INPP4A: variants seen among roughly 807,000 people sequenced by gnomAD.
The protein encoded by INPP4A is inositol polyphosphate-4-phosphatase type I A, also known as inositol polyphosphate-4-phosphatase, type I, 107kD.
In INPP4A, 33 loss-of-function variants were observed where a neutral mutation model predicts 119.8. The observed-to-expected ratio is 0.28, with a 90% CI of 0.21 to 0.37. The LOEUF is 0.37. Among genes scored for constraint, INPP4A ranks in the 10% least tolerant of loss-of-function variants. INPP4A has a pLI of 1.00. For missense variants in INPP4A, 956 were observed against 1,289.9 expected (o/e 0.74, Z 3.97); for synonymous variants, 496 against 500.7 (o/e 0.99, Z 0.12).
At chr2:98,510,743 G>C (rs2105534372) in intron 1 of INPP4A, among the ~76,000 whole-genome samples, 1 of 152,328 alleles carries the variant, frequency 6.6e-6, no homozygotes, top group East Asian at 1.9e-4. Context: ...GACACATTCA[G>C]ACTGTAGCAC....
At chr2:98,459,685 G>A (rs890708713) in intron 1 of INPP4A, among the ~76,000 whole-genome samples, 1 of 152,226 alleles carries the variant, frequency 6.6e-6, no homozygotes, top group Non-Finnish European at 1.5e-5. Flanking sequence ...TCAGGGCAGG[G>A]ACAATAGCTT....
intron 23 of INPP4A, among the ~76,000 whole-genome samples, chr2:98,574,513 C>G (rs958331527): frequency 6.6e-6 from 1 of 152,042 alleles, no homozygotes; most frequent in South Asian, 2.1e-4. Flanking sequence ...TGACGCATGC[C>G]TGTAATCCCA....
rs77191592 is a variant in INPP4A, at chr2:98,464,758, G to A, written c.-166+19673G>A. 5.2e-3 allele frequency among the ~76,000 whole-genome samples: 795 copies of A among 152,342 alleles called. 12 individuals are homozygous for A. The highest frequency in any genetic ancestry group is 0.018 in the African/African-American group (739 of 41,576). ...ATGAGATATCAGCAGAGGCCATCCT[G>A]TGAAATATTTTAACTAATTGAACTG... is the stretch of plus-strand genomic sequence containing the variant. On this transcript the variant is annotated intron_variant, in intron 1 of 24. Coordinates refer to ENST00000409851, the MANE Select transcript of INPP4A (RefSeq NM_001134225.2).
intron 1 of INPP4A, among the ~76,000 whole-genome samples, chr2:98,445,504 G>T (rs995225861): frequency 1.3e-5 from 2 of 152,234 alleles, no homozygotes; most frequent in Non-Finnish European, 2.9e-5. Context: ...CTCCATCCTC[G>T]AAACTCTTCC....
At position 98,451,213 on chromosome 2, in the gene INPP4A, C is replaced by T. The variant is rs541207581; in HGVS notation, c.-166+6128C>T. ...GGCCCAGGCCTGCCAGCCAGCCAGC[C>T]CAGCTGGCCTCTGGTGTTTGCCCAC... On this transcript the variant is annotated intron_variant, in intron 1 of 24. Coordinates refer to ENST00000409851, the MANE Select transcript of INPP4A (RefSeq NM_001134225.2). Among the ~76,000 whole-genome samples, 295 of 152,280 alleles carry T rather than the reference C, an allele frequency of 1.9e-3. 3 individuals are homozygous for T. The highest frequency in any genetic ancestry group is 3.3e-4 in the Admixed American group (5 of 15,302).
At chr2:98,462,764 A>C (rs1360343898) in intron 1 of INPP4A, among the ~76,000 whole-genome samples, 2 of 151,932 alleles carry the variant, frequency 1.3e-5, no homozygotes, top group African/African-American at 4.8e-5. Flanking sequence ...CAAGCAATCC[A>C]CCTGCCTCAG....
intron 1 of INPP4A, among the ~76,000 whole-genome samples, chr2:98,508,858 T>C (rs1053632338): frequency 6.8e-6 from 1 of 147,616 alleles, no homozygotes; most frequent in Non-Finnish European, 1.5e-5. Flanking sequence ...GTTGTCTTTG[T>C]CTGTGGTATT....
At chr2:98,516,717 G>A (rs2105665440) in intron 1 of INPP4A, among the ~76,000 whole-genome samples, 1 of 152,284 alleles carries the variant, frequency 6.6e-6, no homozygotes, top group Admixed American at 6.5e-5. Context: ...TGCCTGGGGT[G>A]CTGCCCTGCC....
intron 24 of INPP4A, chr2:98,581,428 A>T: frequency 3.6e-6 from 3 of 824,536 alleles, no homozygotes; most frequent in African/African-American, 1.9e-5. Flanking sequence ...TTGTGACTTC[A>T]TTTCATTTTT....
intron 18 of INPP4A, among the ~76,000 whole-genome samples, chr2:98,563,920 G>T (rs1323008348): frequency 6.6e-6 from 1 of 150,978 alleles, no homozygotes; most frequent in Non-Finnish European, 1.5e-5. Context: ...GGTGGCACAG[G>T]CTTCTTTGCT....
intron 24 of INPP4A, among the ~76,000 whole-genome samples, chr2:98,583,078 C>T (rs1699560398): frequency 6.6e-6 from 1 of 152,144 alleles, no homozygotes; most frequent in East Asian, 1.9e-4. Context: ...ATACGCCAGA[C>T]ACAGAAAGAT....
chr2:98,494,477 A>G (rs552168770), intron 1 of INPP4A, among the ~76,000 whole-genome samples: 81 of 152,306 alleles, frequency 5.3e-4, no homozygotes, highest in African/African-American at 1.9e-3. Context: ...AGTGGGACAC[A>G]GTCTGTGCGC....
At chr2:98,485,365 G>A (rs1355745406) in intron 1 of INPP4A, among the ~76,000 whole-genome samples, 2 of 152,234 alleles carry the variant, frequency 1.3e-5, no homozygotes, top group Non-Finnish European at 2.9e-5. Flanking sequence ...TCTTATCTGT[G>A]TAGAATATCC....
At chr2:98,468,849 C>T (rs1416611595) in intron 1 of INPP4A, among the ~76,000 whole-genome samples, 1 of 152,128 alleles carries the variant, frequency 6.6e-6, no homozygotes, top group Non-Finnish European at 1.5e-5. Context: ...CTACATCACG[C>T]CCACACTGGT....
chr2:98,565,650 G>A lies in INPP4A; in HGVS notation c.2163G>A (p.Leu721=), dbSNP rs1182381528. ...CTCTCTCATGTCCAGGGGAGGAGCTGGCAATGCTGGAGGACATGAGCCTTG... is the reference window on the plus strand; with the variant it reads ...CTCTCTCATGTCCAGGGGAGGAGCTAGCAATGCTGGAGGACATGAGCCTTG... ...ESLLSTYGEE[L]AMLEDMSLGI... is the part of the protein sequence containing the mutation. Residue 721 remains leucine, a synonymous_variant, in exon 20 of 25, where the codon CTG becomes CTA. Transcript: ENST00000409851. The A allele has an allele frequency of 1.2e-6, 2 of 1,608,008 alleles. No homozygotes were observed.
Position 98,551,590 on chromosome 2 carries a change from C to A in INPP4A, c.1164-1196C>A, listed in dbSNP as rs116912963. ...ACTTTGGGACTTCCCTGGGAAGGGG[C>A]CAATGGGGAAGATTCTCAGCCCTGA... On this transcript the variant is annotated intron_variant, in intron 13 of 24. Transcript: ENST00000409851. Among the ~76,000 whole-genome samples the A allele has an allele frequency of 1.2e-4, 19 of 152,220 alleles. No individual in the cohort carries two copies. The East Asian group carries it at 3.7e-3, about 29-fold the overall frequency.
chr2:98,576,801 T>G (rs536915254), intron 23 of INPP4A, among the ~76,000 whole-genome samples, 188 bp from the exon 24 acceptor site: 2 of 152,208 alleles, frequency 1.3e-5, no homozygotes, highest in East Asian at 3.9e-4. Flanking sequence ...TGTAAGTGAC[T>G]TGGTTTCTAT....
rs114406390 is a variant in INPP4A at position 98,589,114 on chromosome 2, G to A, written c.*1506G>A. ...ATGCAAGCAGCGCCTGCTGTCTCCC[G>A]ATGCCTGCAGGGAGGAAAATGTCTG... On this transcript the variant is annotated 3_prime_UTR_variant, in exon 25 of 25. Transcript: ENST00000409851. 1,031 of 179,426 alleles carry A rather than the reference G, an allele frequency of 5.7e-3. 17 individuals carry two copies. Among genetic ancestry groups the A allele is most frequent in the African/African-American group, 0.023 (957 of 42,510 alleles). 11.1% of individuals were successfully genotyped at this position (179,426 alleles called of 1,614,324 possible).
chr2:98,560,629 G>A (rs908645454), intron 17 of INPP4A, among the ~76,000 whole-genome samples: 2 of 152,234 alleles, frequency 1.3e-5, no homozygotes, highest in Admixed American at 6.5e-5. Context: ...CTTGGTAGAT[G>A]TACAAACAGT....
Sources: allele counts gnomAD v4.1 joint callset (sites outside exome capture counted in the v4.1 genomes callset), GRCh38; gene constraint gnomAD v4.1.1; transcripts MANE v1.5; gene names NCBI Gene and HGNC (gene_info 2026-07-23, HGNC 2026-07-21).